Variants in TMF1 observed in about 807,000 individuals in gnomAD.
TMF1 encodes the protein TATA element modulatory factor 1, also known as TATA element modulatory factor.
In TMF1, 71 loss-of-function variants were observed where a neutral mutation model predicts 126.5. The ratio of observed to expected loss-of-function variants is 0.56; its 90% CI spans 0.46 to 0.68. The LOEUF is 0.68. Among genes scored for constraint, TMF1 ranks in the 30% least tolerant of loss-of-function variants. TMF1 has a pLI of 0.00. For synonymous variants in TMF1, 461 were observed against 430.5 expected (o/e 1.07, Z -0.88); for missense variants, 1,259 against 1,253.2 (o/e 1.00, Z -0.07).
At chr3:69,043,035 T>A (rs2091876629) in intron 4 of TMF1, 123 bp from the exon 5 acceptor site, 1 of 688,086 alleles carries the variant, frequency 1.5e-6, no homozygotes, top group Non-Finnish European at 2.4e-6. Flanking sequence ...CTGTAAGTTT[T>A]GTTCAGTTAA....
intron 12 of TMF1, 52 bp from the exon 13 acceptor site, chr3:69,028,044 T>C (rs2091779919): frequency 1.6e-6 from 2 of 1,241,038 alleles, no homozygotes; most frequent in African/African-American, 1.5e-5. Context: ...ATTCATGCCA[T>C]GATAAGTCAA....
At position 69,048,066 on chromosome 3, in the gene TMF1, C is replaced by T. The variant is rs372895906; in HGVS notation, c.639G>A (p.Thr213=). ...TTTCTGCTGTGAGAGACTGCGTAGA[C>T]GTATTAGATATACTTTCCATAGTTG... ...VKTTMESISN[T]STQSLTAETK... is the part of the protein sequence containing the mutation. The change falls in exon 2 of 17, where the codon ACG becomes ACA. Residue 213 remains threonine, a synonymous_variant. Transcript: ENST00000398559. 24 of 1,614,020 alleles carry T rather than the reference C, an allele frequency of 1.5e-5. No homozygotes were observed. Among genetic ancestry groups the T allele is most frequent in the Middle Eastern group, 1.6e-4 (1 of 6,084 alleles).
chr3:69,044,434 CA>C lies in TMF1; in HGVS notation c.1451+57del, dbSNP rs1490911694. On this transcript the variant is annotated intron_variant, in intron 3 of 16. Transcript: ENST00000398559. ...TTTCAAAAACATTCTTAAATATGTA[CA>C]AAGTATACAGGTTTCCAGAAAATGT... is the stretch of plus-strand genomic sequence containing the variant. 4 of 926,674 alleles carry C rather than the reference CA, an allele frequency of 4.3e-6. No individual in the cohort carries two copies. In the South Asian group the frequency reaches 5.3e-5, roughly 12 times the overall value. 57.4% of individuals were successfully genotyped at this position (926,674 alleles called of 1,614,324 possible).
At position 69,020,667 on chromosome 3, in the gene TMF1, CTG is replaced by C. The variant is rs140426277; in HGVS notation, c.*2508_*2509del. 1 of 152,180 alleles carries C rather than the reference CTG, an allele frequency of 6.6e-6. No homozygotes were observed. Among genetic ancestry groups the C allele is most frequent in the East Asian group, 1.9e-4 (1 of 5,178 alleles). The allele number at this position is 152,180 out of a possible 1,614,324, so 9.4% of individuals were successfully genotyped here. ...CCACCTACTGGAGTTTTTCAAGAAA[CTG>C]TTTAAGTTCACTTTAACTTACAGAA... On this transcript the variant is annotated 3_prime_UTR_variant, in exon 17 of 17. Coordinates refer to ENST00000398559, the MANE Select transcript of TMF1 (RefSeq NM_007114.3).
At chr3:69,045,857 C>G (rs931760435) in intron 2 of TMF1, among the ~76,000 whole-genome samples, 4 of 152,132 alleles carry the variant, frequency 2.6e-5, no homozygotes, top group African/African-American at 7.2e-5. Context: ...CCCAGGAGTT[C>G]AAGACCAGCC....
chr3:69,047,985 A>G lies in TMF1; in HGVS notation c.720T>C (p.Asn240=). The G allele has an allele frequency of 1.2e-6, 2 of 1,613,910 alleles. No individual in the cohort carries two copies. Among genetic ancestry groups the G allele is most frequent in the Non-Finnish European group, 1.7e-6 (2 of 1,180,034 alleles). Residue 240 remains asparagine (N), a synonymous_variant, in exon 2 of 17, where the codon AAT becomes AAC. Transcript: ENST00000398559. ...AGGTACTAACAGGAGGAGAAGGTGT[A>G]TTGCTCTGCCTGTCTTCATGTTTTT... ...KEQKHEDRQS[N]TPSPPVSTFS... is the part of the protein sequence containing the mutation.
At chr3:69,029,213 T>C (rs2091786173) in intron 11 of TMF1, among the ~76,000 whole-genome samples, 1 of 151,804 alleles carries the variant, frequency 6.6e-6, no homozygotes, top group Non-Finnish European at 1.5e-5. Context: ...TTTGTATTTT[T>C]AGTAGACACA....
At chr3:69,049,778 C>T (rs2091915948) in intron 1 of TMF1, among the ~76,000 whole-genome samples, 1 of 152,106 alleles carries the variant, frequency 6.6e-6, no homozygotes, top group Non-Finnish European at 1.5e-5. Context: ...ATGGCATAAT[C>T]AGGATCTTAA....
intron 5 of TMF1, 127 bp from the exon 6 acceptor site, chr3:69,039,820 G>T: frequency 9.9e-7 from 1 of 1,010,278 alleles, no homozygotes; most frequent in Non-Finnish European, 1.4e-6. Context: ...AACCCACAAT[G>T]TTACAACTAA....
At chr3:69,028,152 TC>T in intron 12 of TMF1, 73 bp downstream of exon 12, 2 of 1,329,430 alleles carry the variant, frequency 1.5e-6, no homozygotes. Context: ...TCTTGTTATC[TC>T]ATTAATTTGC....
At chr3:69,023,922 A>T in intron 16 of TMF1, 133 bp downstream of exon 16, 4 of 797,364 alleles carry the variant, frequency 5.0e-6, no homozygotes, top group Non-Finnish European at 7.3e-6. Context: ...TCATTTTTAA[A>T]CTTCTTTGCT....
intron 5 of TMF1, among the ~76,000 whole-genome samples, chr3:69,041,144 A>G (rs1037517960): frequency 6.6e-6 from 1 of 152,230 alleles, no homozygotes; most frequent in Non-Finnish European, 1.5e-5. Flanking sequence ...TAACTCTTTT[A>G]AAATAAGAAA....
chr3:69,024,938 G>A (rs2091759999), intron 15 of TMF1: 1 of 151,330 alleles, frequency 6.6e-6, no homozygotes. Flanking sequence ...CAAAGTTTTG[G>A]ATTTGGGGGC....
intron 15 of TMF1, chr3:69,025,335 G>A (rs1030206110): frequency 1.1e-5 from 5 of 435,250 alleles, no homozygotes; most frequent in East Asian, 8.0e-5. Context: ...CAGATCAGCC[G>A]AATATGCCTA....
At position 69,035,103 on chromosome 3, in the gene TMF1, T is replaced by A; in HGVS notation, c.2164A>T (p.Arg722Trp). 1 of 1,614,074 alleles carries A rather than the reference T, an allele frequency of 6.2e-7. No homozygotes were observed. Among genetic ancestry groups the A allele is most frequent in the Non-Finnish European group, 8.5e-7 (1 of 1,179,934 alleles). The change falls in exon 9 of 17, where the codon AGG becomes TGG. Residue 722 changes from arginine (R) to tryptophan (W), a missense_variant. Coordinates refer to ENST00000398559, the MANE Select transcript of TMF1 (RefSeq NM_007114.3). ...TGTTCTGTACGCTGCAATGCAAGCC[T>A]AAGGTCCCCCACCTGTAGGAGGAGA... ...ETLAIQVGDLRLALQRTEQAA... is the reference protein window; with the variant it reads ...ETLAIQVGDLWLALQRTEQAA...
rs2091907949 is a variant in TMF1, at chr3:69,048,356, T to C, written c.349A>G (p.Lys117Glu). Residue 117 changes from lysine (K) to glutamate (E), a missense_variant, in exon 2 of 17, where the codon AAA (lysine) becomes GAA (glutamate). Coordinates refer to ENST00000398559, the MANE Select transcript of TMF1 (RefSeq NM_007114.3). ...GGTCGTTGTGATTTTGCTGGAGGTT[T>C]TGATACCACTGGACTCTTCTGAATG... ...QTIQKSPVVS[K>E]PPAKSQRPEE... 1.2e-6 allele frequency: 2 copies of C among 1,614,204 alleles called. No homozygotes were observed. Among genetic ancestry groups the C allele is most frequent in the Non-Finnish European group, 1.7e-6 (2 of 1,180,028 alleles).
intron 1 of TMF1, among the ~76,000 whole-genome samples, chr3:69,050,582 A>C (rs1232891385): frequency 6.6e-6 from 1 of 152,176 alleles, no homozygotes; most frequent in East Asian, 1.9e-4. Flanking sequence ...TCCGAAAACA[A>C]ATATCCTTAT....
intron 8 of TMF1, among the ~76,000 whole-genome samples, chr3:69,037,930 A>C (rs1016747055): frequency 6.6e-6 from 1 of 152,232 alleles, no homozygotes; most frequent in Non-Finnish European, 1.5e-5. Context: ...GATGTGGAGA[A>C]ACTGAAACCC....
At position 69,028,351 on chromosome 3, in the gene TMF1, A is replaced by T; in HGVS notation, c.2595-56T>A. The stretch of plus-strand genomic sequence containing the variant: ...GAAAATGAAAAAGATGCTAGTATAG[A>T]CTATTAAAAACTCAGTACTTTATTA... On this transcript the variant is annotated intron_variant, in intron 11 of 16. Coordinates refer to ENST00000398559, the MANE Select transcript of TMF1 (RefSeq NM_007114.3). 4.3e-6 allele frequency: 5 copies of T among 1,157,446 alleles called. No individual in the cohort carries two copies. In the East Asian group the frequency reaches 1.2e-4, roughly 27 times the overall value. 71.7% of individuals were successfully genotyped at this position (1,157,446 alleles called of 1,614,324 possible).
Sources: gnomAD v4.1 joint callset for allele counts (sites outside exome capture counted in the v4.1 genomes callset) on GRCh38, gnomAD v4.1.1 for gene constraint, MANE v1.5 for transcripts, NCBI Gene and HGNC (gene_info 2026-07-23, HGNC 2026-07-21) for gene names.